Variants in PSMF1 observed in about 807,000 individuals in gnomAD.
PSMF1 encodes the protein proteasome inhibitor subunit 1.
PSMF1 carries 30 observed loss-of-function variants against 29.3 expected under a neutral mutation model. That is an observed-to-expected ratio of 1.02 (90% CI 0.77 to 1.39). The LOEUF (loss-of-function observed/expected upper bound fraction) is 1.39. PSMF1 is among the 40% of genes most tolerant of loss of function. PSMF1 has a pLI of 0.00. For synonymous variants in PSMF1, 134 were observed against 139.7 expected (o/e 0.96, Z 0.29); for missense variants, 344 against 357.5 (o/e 0.96, Z 0.31).
At chr20:1,133,377 G>T (rs2122501027) in intron 3 of PSMF1, among the ~76,000 whole-genome samples, 1 of 150,718 alleles carries the variant, frequency 6.6e-6, no homozygotes, top group Middle Eastern at 3.5e-3. Flanking sequence ...ATAGCTTATT[G>T]ATATGGTAGA....
chr20:1,146,818 G>A (rs191787392), intron 4 of PSMF1, among the ~76,000 whole-genome samples: 4 of 152,256 alleles, frequency 2.6e-5, no homozygotes, highest in Admixed American at 2.6e-4. Context: ...TGTGTCAAAG[G>A]TTTTGTAGGA....
At position 1,160,223 on chromosome 20, in the gene PSMF1, G is replaced by A. The variant is rs566645011; in HGVS notation, c.552-2907G>A. On this transcript the variant is annotated intron_variant, in intron 4 of 6. Coordinates refer to ENST00000335877, the MANE Select transcript of PSMF1 (RefSeq NM_006814.5). ...ACCCTGCATACACACGTTTTTCACC[G>A]TTGATTTCCCTAGGCTATTGATGAC... Among the ~76,000 whole-genome samples the A allele has an allele frequency of 3.3e-5, 5 of 151,874 alleles. No homozygotes were observed. In the South Asian group the frequency reaches 8.4e-4, roughly 25 times the overall value.
chr20:1,125,734 G>C (rs1450720235), intron 2 of PSMF1, 84 bp downstream of exon 2: 23 of 1,497,730 alleles, frequency 1.5e-5, no homozygotes, highest in Non-Finnish European at 2.1e-5. Flanking sequence ...TACGAATCCA[G>C]AGCTTCAATG....
upstream of PSMF1, among the ~76,000 whole-genome samples, chr20:1,115,303 T>TGGTGCAGACAAGGA (rs2086001098): frequency 7.3e-6 from 1 of 136,424 alleles, no homozygotes; most frequent in African/African-American, 2.8e-5. Context: ...CTGTCTGCCC[T>TGGTGCAGACAAGGA]GTAAGATGCC....
At chr20:1,125,442 T>C in intron 1 of PSMF1, 56 bp from the exon 2 acceptor site, 1 of 1,526,208 alleles carries the variant, frequency 6.6e-7, no homozygotes, top group Non-Finnish European at 8.8e-7. Flanking sequence ...TGAGGTTCTT[T>C]ATAGTTCTGT....
At chr20:1,160,603 T>C (rs2086654341) in intron 4 of PSMF1, 2 of 496,568 alleles carry the variant, frequency 4.0e-6, no homozygotes. Flanking sequence ...GAGATCACCA[T>C]ACTCGTCATT....
rs111931824 is a variant in PSMF1 at position 1,164,118 on chromosome 20, G to A, written c.606-200G>A. On this transcript the variant is annotated intron_variant, in intron 5 of 6. Coordinates refer to ENST00000335877, the MANE Select transcript of PSMF1 (RefSeq NM_006814.5). This position sits in a 1 kb window ranked among gnomAD's most constrained non-coding sequence, Gnocchi z 4.1. ...CCTGCAGAGCCAGAAGTACTCAGCT[G>A]TGAGGTATGCTCTTCGTATAGGCTT... Among the ~76,000 whole-genome samples the A allele has an allele frequency of 0.014, 2,197 of 152,252 alleles. 45 individuals are homozygous for A. The highest frequency in any genetic ancestry group is 0.047 in the African/African-American group (1,941 of 41,520).
intron 4 of PSMF1, 146 bp downstream of exon 4, chr20:1,135,452 G>T (rs1218585499): frequency 8.7e-6 from 8 of 923,118 alleles, no homozygotes; most frequent in Non-Finnish European, 4.8e-6. Flanking sequence ...GAGTTAGAAA[G>T]TGGAGACGTA....
intron 3 of PSMF1, among the ~76,000 whole-genome samples, chr20:1,133,907 C>A (rs2086268972): frequency 6.6e-6 from 1 of 151,748 alleles, no homozygotes; most frequent in African/African-American, 2.4e-5. Context: ...TTAAGTTGTT[C>A]TTAGTATTCT....
intron 4 of PSMF1, among the ~76,000 whole-genome samples, chr20:1,153,497 T>A (rs1354518423): frequency 6.6e-6 from 1 of 151,154 alleles, no homozygotes; most frequent in East Asian, 1.9e-4. Flanking sequence ...TTTTAAGGGT[T>A]CCCATGTATT....
At chr20:1,161,000 T>C (rs2122604447) in intron 4 of PSMF1, 1 of 392,448 alleles carries the variant, frequency 2.5e-6, no homozygotes, top group Middle Eastern at 5.8e-4. Context: ...CAGGCCATAC[T>C]TCTATGCCTC....
chr20:1,143,296 G>A (rs529743076), intron 4 of PSMF1, among the ~76,000 whole-genome samples: 2 of 152,310 alleles, frequency 1.3e-5, no homozygotes, highest in South Asian at 4.1e-4. Context: ...TTGGCAGAGG[G>A]ACAGACATAT....
intron 4 of PSMF1, among the ~76,000 whole-genome samples, chr20:1,145,768 A>T (rs1464455742): frequency 1.3e-5 from 2 of 152,144 alleles, no homozygotes; most frequent in Non-Finnish European, 2.9e-5. Context: ...TGGATATTCT[A>T]CTAGGCCCAG....
At chr20:1,158,228 AAAC>A (rs1297173968) in intron 4 of PSMF1, among the ~76,000 whole-genome samples, 1 of 151,798 alleles carries the variant, frequency 6.6e-6, no homozygotes, top group Non-Finnish European at 1.5e-5. Context: ...AAAAAAAACT[AAAC>A]AAATTGTAGC....
chr20:1,163,035 G>A lies in PSMF1; in HGVS notation c.552-95G>A. ...TCCCTTGTGCTATGGTCTCATGCAA[G>A]GGTTTCCCATGCCTGTGAGTGTGTT... On this transcript the variant is annotated intron_variant, in intron 4 of 6. Coordinates refer to ENST00000335877, the MANE Select transcript of PSMF1 (RefSeq NM_006814.5). The surrounding 1 kb of genome is among the most constrained non-coding windows in gnomAD (Gnocchi z 6.1). 3.6e-6 allele frequency: 5 copies of A among 1,371,138 alleles called. No homozygotes were observed. Among genetic ancestry groups the A allele is most frequent in the Non-Finnish European group, 5.1e-6 (5 of 972,440 alleles). 84.9% of individuals were successfully genotyped at this position (1,371,138 alleles called of 1,614,324 possible). A position where few individuals can be genotyped will look rare whatever the true frequency, so the allele number is the denominator to read the frequency against.
At chr20:1,117,333 CT>C (rs796938800), upstream of PSMF1, among the ~76,000 whole-genome samples, 1,396 of 139,752 alleles carry the variant, frequency 1.0e-2, 11 homozygotes, top group African/African-American at 0.031. Context: ...TCTGACTTTT[CT>C]TTTTTTTTTT....
chr20:1,141,124 CT>C (rs1834685756), intron 4 of PSMF1, among the ~76,000 whole-genome samples: 1 of 152,070 alleles, frequency 6.6e-6, no homozygotes, highest in African/African-American at 2.4e-5. Flanking sequence ...GAATAGGCAA[CT>C]TTATAGAGAT....
intron 4 of PSMF1, among the ~76,000 whole-genome samples, chr20:1,139,873 AAAG>A (rs2086359593): frequency 6.6e-6 from 1 of 152,256 alleles, no homozygotes; most frequent in Non-Finnish European, 1.5e-5. Flanking sequence ...AAATTTAACA[AAAG>A]AAGAATTGTG....
intron 4 of PSMF1, among the ~76,000 whole-genome samples, chr20:1,147,437 T>G (rs796257198): frequency 3.3e-5 from 5 of 152,326 alleles, no homozygotes; most frequent in African/African-American, 1.2e-4. Context: ...CTTTTCCCAC[T>G]GCACCTGTCA....
Sources: allele counts gnomAD v4.1 joint callset (sites outside exome capture counted in the v4.1 genomes callset), GRCh38; gene constraint gnomAD v4.1.1; non-coding constraint Gnocchi (gnomAD v3.1); transcripts MANE v1.5; gene names NCBI Gene and HGNC (gene_info 2026-07-23, HGNC 2026-07-21).